The following XPA variants were observed in gnomAD, a reference collection of about 807,000 sequenced individuals.
XPA encodes DNA repair protein complementing XP-A cells.
Under a neutral mutation model 35.7 loss-of-function variants are expected in XPA, and 27 were observed. The ratio of observed to expected loss-of-function variants is 0.76; its 90% CI spans 0.56 to 1.04. XPA has a LOEUF of 1.04. XPA is among the 50% of genes least tolerant of loss of function. XPA has a pLI of 0.00. For synonymous variants in XPA, 133 were observed against 118.4 expected (o/e 1.12, Z -0.80); for missense variants, 354 against 342.7 (o/e 1.03, Z -0.26).
chr9:97,691,812 G>C (rs1417007793), intron 2 of XPA, among the ~76,000 whole-genome samples: 1 of 151,242 alleles, frequency 6.6e-6, no homozygotes, highest in Non-Finnish European at 1.5e-5. Context: ...GAACCCAGGA[G>C]GTGGAGGTTG....
intron 5 of XPA, among the ~76,000 whole-genome samples, chr9:97,679,571 G>A (rs1245798113): frequency 1.3e-5 from 2 of 151,998 alleles, no homozygotes; most frequent in African/African-American, 2.4e-5. Context: ...CAGTTTCTAA[G>A]AGAAGAAAAG....
At chr9:97,680,564 T>G (rs1341759947) in intron 5 of XPA, among the ~76,000 whole-genome samples, 1 of 152,210 alleles carries the variant, frequency 6.6e-6, no homozygotes, top group Non-Finnish European at 1.5e-5. Context: ...CTGAAGTGTT[T>G]ATAAGAATCA....
chr9:97,690,815 G>A (rs575940276), intron 2 of XPA, among the ~76,000 whole-genome samples: 15 of 152,248 alleles, frequency 9.9e-5, no homozygotes, highest in Non-Finnish European at 2.1e-4. Flanking sequence ...GAGCCACCGT[G>A]CCCGGCCCCT....
rs759147018 is a variant in XPA, at chr9:97,675,483, T to C, written c.778A>G (p.Thr260Ala). The change falls in exon 6 of 6, where the codon ACT (threonine) becomes GCT (alanine). Residue 260 changes from threonine to alanine, a missense_variant. By Grantham distance (58) the Thr-to-Ala change is moderately conservative. Transcript: ENST00000375128. The stretch of plus-strand genomic sequence containing the variant: ...AGTTCATGGCCACACATAGTACAAG[T>C]CTTACGGTACATGTCATCTTCTAGG... ...ENLEDDMYRKTCTMCGHELTY... is the reference protein window; with the variant it reads ...ENLEDDMYRKACTMCGHELTY... 8.1e-6 allele frequency: 13 copies of C among 1,613,684 alleles called. No homozygotes were observed. The East Asian group carries it at 2.9e-4, about 36-fold the overall frequency.
the XPA span, chr9:97,664,554 A>G: frequency 3.0e-6 from 2 of 671,348 alleles, no homozygotes; most frequent in Non-Finnish European, 5.0e-6. Flanking sequence ...TTAATATACT[A>G]ATGGTCCAAT....
At chr9:97,684,036 GTA>G (rs1290579350) in intron 5 of XPA, among the ~76,000 whole-genome samples, 1 of 151,880 alleles carries the variant, frequency 6.6e-6, no homozygotes. Flanking sequence ...TGAAGAACAT[GTA>G]TGTTTCCTTT....
chr9:97,662,833 C>A, the XPA span: 4 of 703,204 alleles, frequency 5.7e-6, no homozygotes, highest in Non-Finnish European at 9.4e-6. Context: ...ATGGTTAATA[C>A]TTAGTTATTT....
chr9:97,689,014 A>T (rs192274080), intron 3 of XPA, among the ~76,000 whole-genome samples: 39 of 151,440 alleles, frequency 2.6e-4, no homozygotes, highest in African/African-American at 9.2e-4. Context: ...TGGGTGATAT[A>T]AAAAAAAAGG....
At chr9:97,679,348 G>T (rs1828467970) in intron 5 of XPA, among the ~76,000 whole-genome samples, 1 of 152,150 alleles carries the variant, frequency 6.6e-6, no homozygotes, top group South Asian at 2.1e-4. Flanking sequence ...GGATATATGA[G>T]TGGCCCTTTG....
chr9:97,659,271 TG>T, the XPA span, among the ~76,000 whole-genome samples: 1 of 152,262 alleles, frequency 6.6e-6, no homozygotes, highest in East Asian at 1.9e-4. Flanking sequence ...TATACATTGT[TG>T]ATCACTGGTA....
At chr9:97,678,836 C>G (rs1828451961) in intron 5 of XPA, among the ~76,000 whole-genome samples, 2 of 152,170 alleles carry the variant, frequency 1.3e-5, no homozygotes, top group Admixed American at 1.3e-4. Context: ...GCCTGAAATG[C>G]ATACCCTGCA....
chr9:97,675,009 A>T lies in XPA; in HGVS notation c.*430T>A, dbSNP rs1193226109. ...TCGTGGAGACAGAAATCGTCCTAAA[A>T]AACACATGACTAGAACCTGGGGTAC... On this transcript the variant is annotated 3_prime_UTR_variant, in exon 6 of 6. Transcript: ENST00000375128. 7 of 527,272 alleles carry T rather than the reference A, an allele frequency of 1.3e-5. No individual in the cohort carries two copies. The East Asian group carries it at 2.0e-4, about 15-fold the overall frequency. The allele number at this position is 527,272 out of a possible 1,614,324, so 32.7% of individuals were successfully genotyped here.
chr9:97,668,471 AG>A, the XPA span, among the ~76,000 whole-genome samples: 6 of 152,224 alleles, frequency 3.9e-5, no homozygotes, highest in African/African-American at 1.4e-4. Context: ...CTTGGCCCAT[AG>A]GACTTGCCCA....
At chr9:97,693,123 T>C (rs1048071701) in intron 2 of XPA, among the ~76,000 whole-genome samples, 5 of 152,100 alleles carry the variant, frequency 3.3e-5, no homozygotes, top group African/African-American at 9.7e-5. Context: ...AAATAAAGTG[T>C]TTCTATCTTT....
chr9:97,675,558 A>G lies in XPA; in HGVS notation c.703T>C (p.Trp235Arg), dbSNP rs1408543226. The G allele has an allele frequency of 6.2e-7, 1 of 1,613,696 alleles. No individual in the cohort carries two copies. The highest frequency in any genetic ancestry group is 1.3e-5 in the African/African-American group (1 of 74,816). Residue 235 changes from tryptophan to arginine, a missense_variant, in exon 6 of 6, where the codon TGG becomes CGG. Coordinates refer to ENST00000375128, the MANE Select transcript of XPA (RefSeq NM_000380.4). The part of the protein sequence containing the change: ...ELRRAVRSSV[W>R]KRETIVHQHE... ...TGATGAACAATCGTCTCCCTTTTCC[A>G]CACGCTGCTTCTTACTGCTCGCCGC...
chr9:97,684,708 G>T (rs926430683), intron 5 of XPA, among the ~76,000 whole-genome samples: 2 of 152,142 alleles, frequency 1.3e-5, no homozygotes, highest in African/African-American at 4.8e-5. Flanking sequence ...ACTTTAAGAT[G>T]ATGACGTACA....
At chr9:97,671,535 G>A (rs1828193485), downstream of XPA, 1 of 180,516 alleles carries the variant, frequency 5.5e-6, no homozygotes. Context: ...ATAGTATATA[G>A]AACTGATGGG....
At chr9:97,664,374 C>T in the XPA span, 5 of 1,612,766 alleles carry the variant, frequency 3.1e-6, no homozygotes, top group Non-Finnish European at 4.2e-6. Context: ...ATGATTCGTA[C>T]ACAAATAGTT....
At chr9:97,666,099 T>C in the XPA span, among the ~76,000 whole-genome samples, 1 of 152,228 alleles carries the variant, frequency 6.6e-6, no homozygotes, top group Non-Finnish European at 1.5e-5. Flanking sequence ...TGTACTATTC[T>C]GTGCTGGGTT....
Sources: gnomAD v4.1 joint callset for allele counts (sites outside exome capture counted in the v4.1 genomes callset) on GRCh38, gnomAD v4.1.1 for gene constraint, MANE v1.5 for transcripts, NCBI Gene and HGNC (gene_info 2026-07-23, HGNC 2026-07-21) for gene names.